Variants in APLF observed in about 807,000 individuals in gnomAD.
The protein encoded by APLF is aprataxin and PNK-like factor.
APLF carries 61 observed loss-of-function variants against 55.6 expected under a neutral mutation model. That is an observed-to-expected ratio of 1.10 (90% CI 0.89 to 1.36). APLF has a LOEUF of 1.36. Among genes scored for constraint, APLF ranks in the 40% most tolerant of loss-of-function variants. APLF has a pLI of 0.00. For synonymous variants in APLF, 207 were observed against 214.8 expected (o/e 0.96, Z 0.32); for missense variants, 611 against 602.5 (o/e 1.01, Z -0.15).
At chr2:68,485,377 T>C (rs1167858682) in intron 1 of APLF, among the ~76,000 whole-genome samples, 1 of 152,172 alleles carries the variant, frequency 6.6e-6, no homozygotes, top group Non-Finnish European at 1.5e-5. Flanking sequence ...TAAACATTTT[T>C]GTTGAAAATA....
At chr2:68,562,959 T>A (rs1671207309) in intron 8 of APLF, 1 of 477,670 alleles carries the variant, frequency 2.1e-6, no homozygotes, top group Non-Finnish European at 2.7e-6. Context: ...GTCCATCTAT[T>A]CTGTGAGTTC....
chr2:68,533,274 T>C (rs13419288), intron 6 of APLF, among the ~76,000 whole-genome samples: 26,310 of 152,168 alleles, frequency 0.17, 3,732 homozygotes, highest in African/African-American at 0.39. Flanking sequence ...TTATAAATTT[T>C]CAAGTTTGTG....
chr2:68,563,157 C>T (rs749261918), intron 8 of APLF: 10 of 985,100 alleles, frequency 1.0e-5, no homozygotes, highest in Non-Finnish European at 1.1e-5. Context: ...GTCTGCATTA[C>T]AGTATTTTAC....
chr2:68,548,005 C>G (rs72901992), intron 8 of APLF, among the ~76,000 whole-genome samples: 271 of 151,806 alleles, frequency 1.8e-3, no homozygotes, highest in African/African-American at 6.3e-3. Context: ...ATCAACTGTG[C>G]CTTTTGTTCC....
chr2:68,497,783 TCAC>T (rs1255984638), intron 2 of APLF, among the ~76,000 whole-genome samples: 1 of 152,056 alleles, frequency 6.6e-6, no homozygotes, highest in African/African-American at 2.4e-5. Context: ...GGATTGCAAT[TCAC>T]CATGAGATTT....
intron 9 of APLF, among the ~76,000 whole-genome samples, chr2:68,569,111 C>T (rs1671385102): frequency 6.6e-6 from 1 of 152,056 alleles, no homozygotes; most frequent in African/African-American, 2.4e-5. Flanking sequence ...ATGTTAATCT[C>T]AGCTATGTAT....
At chr2:68,559,472 T>C (rs1220637866) in intron 8 of APLF, among the ~76,000 whole-genome samples, 1 of 152,156 alleles carries the variant, frequency 6.6e-6, no homozygotes, top group Non-Finnish European at 1.5e-5. Flanking sequence ...ATTTACCACC[T>C]CTAAGTCAGA....
chr2:68,494,322 T>C (rs1160601501), intron 2 of APLF, among the ~76,000 whole-genome samples: 1 of 147,586 alleles, frequency 6.8e-6, no homozygotes, highest in Admixed American at 6.8e-5. Flanking sequence ...AAAGATTTAA[T>C]TGGCTCATGG....
At chr2:68,562,457 C>T (rs999453305) in intron 8 of APLF, among the ~76,000 whole-genome samples, 44 of 151,768 alleles carry the variant, frequency 2.9e-4, no homozygotes, top group African/African-American at 1.0e-3. Flanking sequence ...GCCCTCCAGC[C>T]GCTGATTTGA....
intron 1 of APLF, among the ~76,000 whole-genome samples, chr2:68,476,103 A>G (rs974295112): frequency 1.3e-5 from 2 of 152,042 alleles, no homozygotes; most frequent in African/African-American, 4.8e-5. Flanking sequence ...CAAACTAGAT[A>G]ATCTTTTGGG....
chr2:68,482,559 G>A (rs1343532159), intron 1 of APLF, among the ~76,000 whole-genome samples: 1 of 152,178 alleles, frequency 6.6e-6, no homozygotes, highest in Non-Finnish European at 1.5e-5. Context: ...GGCTGAGGGT[G>A]CTGGTGTGCA....
At chr2:68,506,105 A>G (rs1045930046) in intron 3 of APLF, among the ~76,000 whole-genome samples, 1 of 151,808 alleles carries the variant, frequency 6.6e-6, no homozygotes, top group African/African-American at 2.4e-5. Flanking sequence ...CAAAATATGT[A>G]TTTCTTACTA....
At chr2:68,576,384 A>G (rs1402790551) in intron 9 of APLF, among the ~76,000 whole-genome samples, 1 of 152,202 alleles carries the variant, frequency 6.6e-6, no homozygotes, top group East Asian at 1.9e-4. Flanking sequence ...CAGGAGCTGT[A>G]TATACAGATA....
chr2:68,543,301 T>C (rs1670609359), intron 7 of APLF, among the ~76,000 whole-genome samples: 1 of 152,152 alleles, frequency 6.6e-6, no homozygotes, highest in African/African-American at 2.4e-5. Context: ...ACTGTGCACA[T>C]AGAAATTGTT....
At chr2:68,540,510 C>T (rs757520232) in intron 7 of APLF, among the ~76,000 whole-genome samples, 2 of 151,962 alleles carry the variant, frequency 1.3e-5, no homozygotes, top group Admixed American at 6.6e-5. Flanking sequence ...ATTTATATTC[C>T]TTTAGGTATA....
intron 5 of APLF, among the ~76,000 whole-genome samples, chr2:68,518,993 G>GATAATATATTATTAATATATAATAATAT (rs1202230173): frequency 0.05 from 5,302 of 107,104 alleles, 200 homozygotes; most frequent in Middle Eastern, 0.12. Flanking sequence ...TACAATATCT[G>GATAATATATTATTAATATATAATAATAT]ATAATATATT....
chr2:68,474,248 A>C (rs1475737718), intron 1 of APLF, among the ~76,000 whole-genome samples: 1 of 152,156 alleles, frequency 6.6e-6, no homozygotes, highest in African/African-American at 2.4e-5. Flanking sequence ...GTTTTTATGG[A>C]GTCATCGTTA....
At chr2:68,500,153 G>A (rs1300169190) in intron 2 of APLF, among the ~76,000 whole-genome samples, 1 of 152,108 alleles carries the variant, frequency 6.6e-6, no homozygotes, top group African/African-American at 2.4e-5. Flanking sequence ...TAGCATTTTA[G>A]TTGGAGTATA....
rs780336130 is a variant in APLF at position 68,467,940 on chromosome 2, G to A, written c.96+113G>A. The A allele has an allele frequency of 9.2e-4, 737 of 799,326 alleles. 2 individuals are homozygous for A. The highest frequency in any genetic ancestry group is 1.2e-3 in the Non-Finnish European group (689 of 593,728). The allele number at this position is 799,326 out of a possible 1,614,324, so 49.5% of individuals were successfully genotyped here. On this transcript the variant is annotated intron_variant, in intron 1 of 9. Coordinates refer to ENST00000303795, the MANE Select transcript of APLF (RefSeq NM_173545.3). ...CCCCACCGCACTGGTCCGCCGGTCC[G>A]GATTTTAGAAGTTTGGGGCCGCACG...
Sources: allele counts gnomAD v4.1 joint callset (sites outside exome capture counted in the v4.1 genomes callset), GRCh38; gene constraint gnomAD v4.1.1; transcripts MANE v1.5; gene names NCBI Gene and HGNC (gene_info 2026-07-23, HGNC 2026-07-21).